Variants in THOC7 observed in about 807,000 individuals in gnomAD.
THOC7 encodes the protein NIF3L1-binding protein 1.
THOC7 carries 22 observed loss-of-function variants against 33.1 expected under a neutral mutation model. The observed-to-expected ratio is 0.66, with a 90% confidence interval of 0.47 to 0.95. The LOEUF (loss-of-function observed/expected upper bound fraction) is 0.95. THOC7 is among the 40% of genes least tolerant of loss of function. The probability of loss-of-function intolerance (pLI) is 0.00; values close to 1 mark genes in which losing one functional copy is unlikely to be tolerated. For missense variants in THOC7, 184 were observed against 245.3 expected (o/e 0.75, Z 1.67); for synonymous variants, 77 against 76.8 (o/e 1.00, Z -0.01).
At chr3:63,863,707 A>C (rs935518680) in intron 1 of THOC7, 65 bp downstream of exon 1, 1 of 1,244,370 alleles carries the variant, frequency 8.0e-7, no homozygotes, top group East Asian at 3.2e-5. Context: ...CCGGGAGGCC[A>C]GGGGTCTCAG....
intron 1 of THOC7, among the ~76,000 whole-genome samples, chr3:63,840,516 C>T (rs570941475): frequency 3.3e-4 from 50 of 152,096 alleles, no homozygotes; most frequent in African/African-American, 1.1e-3. Flanking sequence ...ACTTGAGCCT[C>T]GGAGATCAAG....
chr3:63,838,496 A>G lies in THOC7; in HGVS notation c.141T>C (p.Tyr47=). The stretch of plus-strand genomic sequence containing the variant: ...TGCTCAGCATACGTTGGTACTGGCT[A>G]TATCTAATGAAAAAGAAAGAAAACC... ...WCNSGSQEEG[Y]SQYQRMLSTL... is the part of the protein sequence containing the mutation. The change falls in exon 3 of 8, where the codon TAT becomes TAC. Residue 47 remains tyrosine, a synonymous_variant. Transcript: ENST00000295899. The G allele has an allele frequency of 6.3e-7, 1 of 1,584,554 alleles. No individual in the cohort carries two copies. Among genetic ancestry groups the G allele is most frequent in the East Asian group, 2.3e-5 (1 of 43,846 alleles).
intron 1 of THOC7, chr3:63,854,864 C>T (rs62253808): frequency 2.0e-5 from 3 of 151,824 alleles, no homozygotes; most frequent in South Asian, 4.2e-4. Context: ...AAAAATTAGC[C>T]GGGCGTAGTG....
intron 2 of THOC7, among the ~76,000 whole-genome samples, chr3:63,838,840 T>C (rs947677361): frequency 1.3e-4 from 20 of 152,186 alleles, no homozygotes; most frequent in Admixed American, 5.2e-4. Flanking sequence ...TTTCACTCTA[T>C]AAAATTATTT....
intron 1 of THOC7, among the ~76,000 whole-genome samples, chr3:63,858,510 T>C (rs550843191): frequency 2.0e-5 from 3 of 152,248 alleles, no homozygotes; most frequent in Non-Finnish European, 2.9e-5. Flanking sequence ...AAATAGAATG[T>C]AGAGCCACAT....
At chr3:63,847,594 G>A (rs576544255) in intron 1 of THOC7, among the ~76,000 whole-genome samples, 58 of 152,238 alleles carry the variant, frequency 3.8e-4, no homozygotes, top group African/African-American at 1.3e-3. Flanking sequence ...AAAATTAGCC[G>A]GGTGTGGGGT....
chr3:63,854,250 T>C (rs772479653), intron 1 of THOC7, among the ~76,000 whole-genome samples: 44 of 152,226 alleles, frequency 2.9e-4, no homozygotes, highest in Non-Finnish European at 5.1e-4. Flanking sequence ...CCTCTGTTCT[T>C]TTTAAATTTA....
intron 1 of THOC7, among the ~76,000 whole-genome samples, chr3:63,851,261 C>T (rs1012654098): frequency 1.3e-5 from 2 of 152,120 alleles, no homozygotes; most frequent in African/African-American, 2.4e-5. Flanking sequence ...GGGGAGGACA[C>T]AATAAGCTAT....
chr3:63,845,095 T>C, intron 1 of THOC7: 1 of 694,108 alleles, frequency 1.4e-6, no homozygotes, highest in Non-Finnish European at 2.6e-6. Context: ...GATGCTAACC[T>C]TCTTTTCTGG....
intron 3 of THOC7, 56 bp downstream of exon 3, chr3:63,838,316 G>A (rs1227667104): frequency 2.4e-6 from 3 of 1,227,820 alleles, no homozygotes; most frequent in African/African-American, 1.6e-5. Flanking sequence ...AGCAGGTATT[G>A]TTTCCTTTAG....
chr3:63,842,860 C>T (rs1701797781), intron 1 of THOC7, among the ~76,000 whole-genome samples: 1 of 152,180 alleles, frequency 6.6e-6, no homozygotes, highest in East Asian at 1.9e-4. Context: ...CGGCTCACTG[C>T]AACCTCCACC....
At chr3:63,834,532 C>T (rs1457735893) in intron 7 of THOC7, among the ~76,000 whole-genome samples, 1 of 151,840 alleles carries the variant, frequency 6.6e-6, no homozygotes, top group Non-Finnish European at 1.5e-5. Context: ...TGGTGGCATG[C>T]ACCTGTAATT....
In THOC7 at chr3:63,838,071, G is replaced by C. The variant is rs199612857; in HGVS notation, c.266-9C>G. The C allele has an allele frequency of 1.9e-6, 3 of 1,582,962 alleles. No homozygotes were observed. Among genetic ancestry groups the C allele is most frequent in the East Asian group, 2.3e-5 (1 of 44,168 alleles). ...TCCAGCTATGCTACATTCTATATGA[G>C]AAGGTTTTTTAAAAGATAGTTGTAA... On this transcript the variant is annotated splice_polypyrimidine_tract_variant and intron_variant, in intron 3 of 7. Transcript: ENST00000295899.
chr3:63,860,639 G>C (rs1371624771), intron 1 of THOC7: 1 of 152,126 alleles, frequency 6.6e-6, no homozygotes, highest in African/African-American at 2.4e-5. Flanking sequence ...GTCACTTACA[G>C]CTTGGTTAAT....
chr3:63,861,984 TCTCA>T (rs992729632), intron 1 of THOC7, among the ~76,000 whole-genome samples: 15 of 152,042 alleles, frequency 9.9e-5, no homozygotes, highest in African/African-American at 3.6e-4. Context: ...AGACATGGGG[TCTCA>T]CTATGTTTTC....
At chr3:63,859,293 C>G (rs562839390) in intron 1 of THOC7, among the ~76,000 whole-genome samples, 1 of 152,352 alleles carries the variant, frequency 6.6e-6, no homozygotes, top group African/African-American at 2.4e-5. Context: ...ATCCTCCTAT[C>G]ATTTCTAAAT....
chr3:63,861,784 T>C (rs1216401995), intron 1 of THOC7: 2 of 115,204 alleles, frequency 1.7e-5, no homozygotes, highest in Non-Finnish European at 1.8e-5. Flanking sequence ...AGTGTGTATG[T>C]GTGTGTGTGT....
Position 63,840,448 on chromosome 3 carries a change from G to A in THOC7, c.20-675C>T, listed in dbSNP as rs1028090101. Among the ~76,000 whole-genome samples the A allele has an allele frequency of 2.8e-4, 42 of 152,144 alleles. 1 individual carries two copies. The highest frequency in any genetic ancestry group is 3.4e-3 in the Middle Eastern group (1 of 294). The stretch of plus-strand genomic sequence containing the variant: ...CTCTACAAAAAATAAAAATTAGCTG[G>A]GTGTGGTGGCATGTGCCTGTTAGTC... On this transcript the variant is annotated intron_variant, in intron 1 of 7. Coordinates refer to ENST00000295899, the MANE Select transcript of THOC7 (RefSeq NM_025075.4).
Position 63,849,145 on chromosome 3 carries a change from T to C in THOC7, c.20-9372A>G, listed in dbSNP as rs570531863. ...GCTCACGCCTGTAATCCCAGCACTT[T>C]GGAGGCCAAGGCGGGTGGATCATCT... On this transcript the variant is annotated intron_variant, in intron 1 of 7. Transcript: ENST00000295899. Among the ~76,000 whole-genome samples the C allele has an allele frequency of 7.2e-5, 11 of 152,222 alleles. No individual in the cohort carries two copies. The South Asian group carries it at 1.2e-3, about 17-fold the overall frequency.
Sources: gnomAD v4.1 joint callset for allele counts (sites outside exome capture counted in the v4.1 genomes callset) on GRCh38, gnomAD v4.1.1 for gene constraint, MANE v1.5 for transcripts, NCBI Gene and HGNC (gene_info 2026-07-23, HGNC 2026-07-21) for gene names.